The following MBD5 variants were observed in gnomAD, a reference collection of about 807,000 sequenced individuals.
MBD5 encodes the protein methyl-CpG-binding domain protein 5.
MBD5 carries 13 observed loss-of-function variants against 117.3 expected under a neutral mutation model. The observed-to-expected ratio is 0.11, with a 90% CI of 0.07 to 0.18. The LOEUF (loss-of-function observed/expected upper bound fraction) is 0.18. MBD5 is among the 10% of genes least tolerant of loss of function. The pLI is 1.00. For synonymous variants in MBD5, 727 were observed against 766.4 expected, an observed-to-expected ratio of 0.95 and a Z score of 0.85; for missense variants, 1,879 against 2,093.8, an observed-to-expected ratio of 0.90 and a Z score of 2.00.
chr2:148,398,339 C>T (rs1011574086), intron 4 of MBD5, among the ~76,000 whole-genome samples: 25 of 121,072 alleles, frequency 2.1e-4, no homozygotes, highest in South Asian at 9.8e-4. Context: ...TTTTAATGAT[C>T]GCCATTCTAA....
chr2:148,092,400 A>G (rs1695966414), intron 1 of MBD5, among the ~76,000 whole-genome samples: 2 of 152,200 alleles, frequency 1.3e-5, no homozygotes, highest in Admixed American at 1.3e-4. Flanking sequence ...TTGCAAAAAT[A>G]AAGAACCAGC....
intron 4 of MBD5, among the ~76,000 whole-genome samples, chr2:148,406,024 A>ATAAT (rs1198161664): frequency 2.0e-5 from 3 of 152,074 alleles, no homozygotes; most frequent in Non-Finnish European, 4.4e-5. Context: ...AAATAAATAA[A>ATAAT]TAATTAATTA....
intron 1 of MBD5, among the ~76,000 whole-genome samples, chr2:148,156,619 G>A (rs1179224212): frequency 6.6e-6 from 1 of 152,142 alleles, no homozygotes; most frequent in African/African-American, 2.4e-5. Context: ...CCACTAGTGT[G>A]AGCTCTTTGA....
At chr2:148,054,436 T>A (rs1215976810) in intron 1 of MBD5, 2 of 152,210 alleles carry the variant, frequency 1.3e-5, no homozygotes, top group Admixed American at 6.5e-5. Context: ...ATATAGAACA[T>A]TTCTTTTATC....
intron 3 of MBD5, among the ~76,000 whole-genome samples, chr2:148,289,143 A>C (rs1451499228): frequency 6.6e-6 from 1 of 152,212 alleles, no homozygotes; most frequent in Non-Finnish European, 1.5e-5. Context: ...AGAAATGGCC[A>C]AAATAGTTTT....
chr2:148,199,751 C>A (rs1310225892), intron 2 of MBD5, among the ~76,000 whole-genome samples: 3 of 151,474 alleles, frequency 2.0e-5, no homozygotes, highest in African/African-American at 7.3e-5. Flanking sequence ...CAGAGTAAGA[C>A]CCTGTCTCAA....
In MBD5 at chr2:148,485,784, T is replaced by G; in HGVS notation, c.3587T>G (p.Leu1196Arg). Residue 1196 changes from leucine (L) to arginine (R), a missense_variant, in exon 10 of 14, where the codon CTG becomes CGG. Transcript: ENST00000642680. ...SINNTLSNHQ[L>R]THLQSLLNNN... ...AACAATACTTTGAGTAACCATCAAC[T>G]GACTCATCTACAGTCGCTGTTAAAC... The G allele has an allele frequency of 6.2e-7, 1 of 1,614,042 alleles. No individual in the cohort carries two copies. Among genetic ancestry groups the G allele is most frequent in the Non-Finnish European group, 8.5e-7 (1 of 1,179,928 alleles).
At chr2:148,406,441 T>G (rs1407482255) in intron 4 of MBD5, among the ~76,000 whole-genome samples, 2 of 152,194 alleles carry the variant, frequency 1.3e-5, no homozygotes, top group East Asian at 1.9e-4. Flanking sequence ...TTCATCAGAT[T>G]GTCAGCTTTT....
At chr2:148,115,249 TTTA>T (rs1211026630) in intron 1 of MBD5, among the ~76,000 whole-genome samples, 2 of 152,190 alleles carry the variant, frequency 1.3e-5, no homozygotes, top group African/African-American at 2.4e-5. Flanking sequence ...ATCTGTGTGC[TTTA>T]TTATTATTTT....
upstream of MBD5, chr2:148,021,081 C>G (rs1381987827): frequency 2.0e-5 from 3 of 152,658 alleles, no homozygotes; most frequent in African/African-American, 4.8e-5. Flanking sequence ...CCGAACCCCC[C>G]CTCCCCCCCA....
chr2:148,258,860 G>A (rs1700661553), intron 3 of MBD5, among the ~76,000 whole-genome samples: 2 of 152,080 alleles, frequency 1.3e-5, no homozygotes, highest in Non-Finnish European at 2.9e-5. Context: ...CTTCTTTAAG[G>A]CGCAGACCCC....
chr2:148,506,318 A>G (rs1009786857), intron 12 of MBD5, among the ~76,000 whole-genome samples: 1 of 152,236 alleles, frequency 6.6e-6, no homozygotes, highest in Admixed American at 6.5e-5. Context: ...GCGAGGAGCA[A>G]ATCTTCTGTC....
intron 4 of MBD5, chr2:148,447,585 C>G (rs955425804): frequency 6.6e-6 from 1 of 152,118 alleles, no homozygotes; most frequent in Non-Finnish European, 1.5e-5. Flanking sequence ...AACCCACATG[C>G]CTATAGAGGC....
In MBD5 at chr2:148,418,471, A is replaced by G. The variant is rs552909183; in HGVS notation, c.-556-39732A>G. Among the ~76,000 whole-genome samples, 48 of 152,300 alleles carry G rather than the reference A, an allele frequency of 3.2e-4. No individual in the cohort carries two copies. In the South Asian group the frequency reaches 6.8e-3, roughly 22 times the overall value. ...ATGTGATCTGATCTGATACCTAGAA[A>G]ACACTAAAGAGTCCTCCAAAAGACT... is the stretch of plus-strand genomic sequence containing the variant. On this transcript the variant is annotated intron_variant, in intron 4 of 13. Coordinates refer to ENST00000642680, the MANE Select transcript of MBD5 (RefSeq NM_001378120.1).
chr2:148,153,078 C>T (rs1490315117), intron 1 of MBD5, among the ~76,000 whole-genome samples: 4 of 151,646 alleles, frequency 2.6e-5, no homozygotes, highest in African/African-American at 7.3e-5. Context: ...CGGCTGGTAC[C>T]GATTATTCCT....
chr2:148,199,924 A>G (rs1338579696), intron 2 of MBD5, among the ~76,000 whole-genome samples: 1 of 152,188 alleles, frequency 6.6e-6, no homozygotes, highest in Non-Finnish European at 1.5e-5. Flanking sequence ...TTTTTAAACT[A>G]CTACATCATG....
intron 1 of MBD5, among the ~76,000 whole-genome samples, chr2:148,122,077 A>T (rs1696782237): frequency 6.6e-6 from 1 of 152,166 alleles, no homozygotes; most frequent in Non-Finnish European, 1.5e-5. Flanking sequence ...TTTTTAAATC[A>T]TTCTTTTAAA....
At chr2:148,038,517 T>C (rs1337973041) in intron 1 of MBD5, among the ~76,000 whole-genome samples, 1 of 140,754 alleles carries the variant, frequency 7.1e-6, no homozygotes, top group Non-Finnish European at 1.5e-5. Context: ...TTATGATTGC[T>C]GACAAAAAAA....
chr2:148,326,370 T>A (rs1322253659), intron 3 of MBD5, among the ~76,000 whole-genome samples: 13 of 152,092 alleles, frequency 8.5e-5, no homozygotes, highest in South Asian at 2.1e-4. Flanking sequence ...TGCAGAGCTG[T>A]GTTCAATTCC....
Sources: gnomAD v4.1 joint callset for allele counts (sites outside exome capture counted in the v4.1 genomes callset) on GRCh38, gnomAD v4.1.1 for gene constraint, MANE v1.5 for transcripts, NCBI Gene and HGNC (gene_info 2026-07-23, HGNC 2026-07-21) for gene names.